Variants in SELENOF observed in about 807,000 individuals in gnomAD.
SELENOF encodes the protein selenoprotein F, also known as 15 kDa selenoprotein.
Under a neutral mutation model 20.5 loss-of-function variants are expected in SELENOF, and 16 were observed. The ratio of observed to expected loss-of-function variants is 0.78; its 90% CI spans 0.53 to 1.19. SELENOF has a LOEUF of 1.19. SELENOF is among the 50% of genes most tolerant of loss of function. The pLI, the probability that SELENOF is intolerant of heterozygous loss-of-function variation, is 0.00. For synonymous variants in SELENOF, 78 were observed against 74.5 expected (o/e 1.05, Z -0.24); for missense variants, 215 against 194.2 (o/e 1.11, Z -0.64).
At chr1:86,888,963 A>T (rs1659306097) in intron 2 of SELENOF, among the ~76,000 whole-genome samples, 1 of 152,256 alleles carries the variant, frequency 6.6e-6, no homozygotes, top group Non-Finnish European at 1.5e-5. Context: ...AAGAAAGATT[A>T]TAAATATCTG....
At position 86,903,024 on chromosome 1, in the gene SELENOF, G is replaced by A. The variant is rs191590684; in HGVS notation, c.252+257C>T. 5.4e-3 allele frequency among the ~76,000 whole-genome samples: 817 copies of A among 152,258 alleles called. 10 individuals carry two copies. The highest frequency in any genetic ancestry group is 0.019 in the African/African-American group (775 of 41,542). ...AAGTTAGGAAGACTGGAGAACTACAGGATCAAAGCATGTTATAGGGATTCT... is the reference window on the plus strand; with the variant it reads ...AAGTTAGGAAGACTGGAGAACTACAAGATCAAAGCATGTTATAGGGATTCT... On this transcript the variant is annotated intron_variant, in intron 2 of 4. Transcript: ENST00000331835.
chr1:86,903,787 G>T (rs1426174258), intron 1 of SELENOF, among the ~76,000 whole-genome samples: 1 of 151,862 alleles, frequency 6.6e-6, no homozygotes, highest in East Asian at 1.9e-4. Context: ...TAGAGACGGG[G>T]GCCACGATGG....
At chr1:86,884,941 C>T (rs889775766) in intron 2 of SELENOF, among the ~76,000 whole-genome samples, 2 of 151,992 alleles carry the variant, frequency 1.3e-5, no homozygotes, top group Middle Eastern at 3.2e-3. Context: ...AACTTATGAC[C>T]GTCAGATTTT....
At chr1:86,889,729 C>G (rs751503590) in intron 2 of SELENOF, among the ~76,000 whole-genome samples, 1 of 152,192 alleles carries the variant, frequency 6.6e-6, no homozygotes, top group Non-Finnish European at 1.5e-5. Context: ...ACTAGCTGGT[C>G]TCTCTCCTGT....
intron 2 of SELENOF, among the ~76,000 whole-genome samples, chr1:86,897,089 T>C (rs565270126): frequency 6.6e-6 from 1 of 152,268 alleles, no homozygotes; most frequent in East Asian, 1.9e-4. Flanking sequence ...GTGGATCACC[T>C]GAGGTCAGGA....
At chr1:86,899,276 G>A (rs1659608149) in intron 2 of SELENOF, among the ~76,000 whole-genome samples, 1 of 150,970 alleles carries the variant, frequency 6.6e-6, no homozygotes, top group Admixed American at 6.6e-5. Context: ...TTGTCATCAT[G>A]GCCCGTTCTC....
chr1:86,868,172 A>G (rs995778939), intron 3 of SELENOF, 70 bp from the exon 4 acceptor site: 1 of 747,434 alleles, frequency 1.3e-6, no homozygotes, highest in Non-Finnish European at 2.2e-6. Flanking sequence ...GATTAATATA[A>G]AAGTGGAAAT....
chr1:86,901,582 A>T lies in SELENOF; in HGVS notation c.252+1699T>A, dbSNP rs184010763. Among the ~76,000 whole-genome samples the T allele has an allele frequency of 5.4e-3, 815 of 152,316 alleles. 10 individuals carry two copies. Among genetic ancestry groups the T allele is most frequent in the African/African-American group, 0.019 (773 of 41,566 alleles). ...AGGTTTACTTGTACTTAGATACGAT[A>T]ATCACTCCAGCTTGTAATTAGCTGG... On this transcript the variant is annotated intron_variant, in intron 2 of 4. Coordinates refer to ENST00000331835, the MANE Select transcript of SELENOF (RefSeq NM_004261.5).
intron 4 of SELENOF, among the ~76,000 whole-genome samples, chr1:86,863,896 C>A (rs1658528230): frequency 6.6e-6 from 1 of 152,164 alleles, no homozygotes; most frequent in Non-Finnish European, 1.5e-5. Context: ...CTCACTGCAA[C>A]CTCCACCTCC....
At chr1:86,912,460 T>C (rs1179496042) in intron 1 of SELENOF, among the ~76,000 whole-genome samples, 1 of 152,182 alleles carries the variant, frequency 6.6e-6, no homozygotes, top group Non-Finnish European at 1.5e-5. Context: ...CTGTCATTCC[T>C]CCCATGTAGA....
chr1:86,875,996 C>G (rs59128739), intron 3 of SELENOF, among the ~76,000 whole-genome samples: 1 of 151,122 alleles, frequency 6.6e-6, no homozygotes, highest in Non-Finnish European at 1.5e-5. Flanking sequence ...TTGTATGTGA[C>G]AGAGAACTAT....
In SELENOF at chr1:86,863,333, C is replaced by A. The variant is rs1488960122; in HGVS notation, c.*141G>T. 7 of 689,492 alleles carry A rather than the reference C, an allele frequency of 1.0e-5. No homozygotes were observed. Among genetic ancestry groups the A allele is most frequent in the Non-Finnish European group, 1.6e-5 (7 of 433,414 alleles). 42.7% of individuals were successfully genotyped at this position (689,492 alleles called of 1,614,324 possible). A position where few individuals can be genotyped will look rare whatever the true frequency, so the allele number is the denominator to read the frequency against. On this transcript the variant is annotated 3_prime_UTR_variant, in exon 5 of 5. Transcript: ENST00000331835. ...CCTTAGATATCATGGACTATACTGC[C>A]ATTTCACGATTTAATTAGATATTTA...
chr1:86,865,603 C>T (rs1303197633), intron 4 of SELENOF, among the ~76,000 whole-genome samples: 4 of 152,060 alleles, frequency 2.6e-5, no homozygotes, highest in African/African-American at 9.7e-5. Flanking sequence ...ATGGCTACTA[C>T]CAAAAAACAG....
At chr1:86,868,126 T>G (rs1351971668) in intron 3 of SELENOF, 24 bp from the exon 4 acceptor site, 1 of 1,240,362 alleles carries the variant, frequency 8.1e-7, no homozygotes, top group Admixed American at 2.2e-5. Flanking sequence ...AAAAAAAGAT[T>G]CAGTAGTTCA....
At chr1:86,864,922 C>G (rs1283653463) in intron 4 of SELENOF, among the ~76,000 whole-genome samples, 1 of 152,014 alleles carries the variant, frequency 6.6e-6, no homozygotes, top group East Asian at 1.9e-4. Context: ...AGGTGGGAGC[C>G]ACCGCACCCA....
rs368116984 is a variant in SELENOF, at chr1:86,903,272, A to C, written c.252+9T>G. 1.9e-6 allele frequency: 3 copies of C among 1,605,542 alleles called. No homozygotes were observed. In the African/African-American group the frequency reaches 4.0e-5, roughly 21 times the overall value. ...CATCCAATGGAAGGAATATACTAGA[A>C]AACAGTACCTTTTTGGTTTCAAATT... On this transcript the variant is annotated intron_variant, in intron 2 of 4. Transcript: ENST00000331835.
chr1:86,912,447 ACT>A (rs1389599863), intron 1 of SELENOF, among the ~76,000 whole-genome samples: 10 of 152,196 alleles, frequency 6.6e-5, no homozygotes, highest in South Asian at 2.1e-4. Flanking sequence ...TTGCAAAGTG[ACT>A]CTGTCATTCC....
At chr1:86,903,508 A>C in intron 1 of SELENOF, 60 bp from the exon 2 acceptor site, 14 of 1,325,076 alleles carry the variant, frequency 1.1e-5, no homozygotes, top group Non-Finnish European at 1.4e-5. Context: ...AAGCTTTCCA[A>C]AAAGAGAACA....
intron 2 of SELENOF, among the ~76,000 whole-genome samples, chr1:86,890,520 C>A (rs963533787): frequency 6.6e-6 from 1 of 152,090 alleles, no homozygotes; most frequent in Non-Finnish European, 1.5e-5. Context: ...AGACAGAGCT[C>A]GCTCTGTTAC....
Sources: gnomAD v4.1 joint callset for allele counts (sites outside exome capture counted in the v4.1 genomes callset) on GRCh38, gnomAD v4.1.1 for gene constraint, MANE v1.5 for transcripts, NCBI Gene and HGNC (gene_info 2026-07-23, HGNC 2026-07-21) for gene names.